The following TBC1D8B variants were observed in gnomAD, a reference collection of about 807,000 sequenced individuals.
TBC1D8B encodes RP11-321G1.1.
In TBC1D8B, 75 loss-of-function variants were observed where a neutral mutation model predicts 82.9. The ratio of observed to expected loss-of-function variants is 0.90; its 90% CI spans 0.75 to 1.10. The LOEUF (loss-of-function observed/expected upper bound fraction) is 1.10, where lower values mean the gene tolerates loss of function less well. TBC1D8B is among the 50% of genes least tolerant of loss of function. The pLI, the probability that TBC1D8B is intolerant of heterozygous loss-of-function variation, is 0.00. For missense variants in TBC1D8B, 794 were observed against 796.9 expected (o/e 1.00, Z 0.04); for synonymous variants, 276 against 276.8 (o/e 1.00, Z 0.03).
At chrX:106,829,481 G>T (rs1234414677) in intron 7 of TBC1D8B, 1 of 110,774 alleles carries the variant, frequency 9.0e-6, no homozygotes, top group Non-Finnish European at 1.9e-5. Flanking sequence ...AGCCTGCATC[G>T]CCAAGTCAAT....
intron 2 of TBC1D8B, among the ~76,000 whole-genome samples, 176 bp downstream of exon 2, chrX:106,818,949 T>G (rs371586276): frequency 5.5e-5 from 6 of 109,524 alleles, no homozygotes; most frequent in East Asian, 5.7e-4. Context: ...TATTAAGTTT[T>G]TTTTTTTTTT....
At chrX:106,817,060 C>T (rs1931561034) in intron 1 of TBC1D8B, among the ~76,000 whole-genome samples, 1 of 111,532 alleles carries the variant, frequency 9.0e-6, no homozygotes, top group African/African-American at 3.2e-5. Context: ...TCTTAAAAAT[C>T]TGTATTCTAA....
chrX:106,826,166 A>G lies in TBC1D8B; in HGVS notation c.964A>G (p.Ile322Val). ...SHFNTHGKMC[I>V]SENYICFASQ... The stretch of plus-strand genomic sequence containing the variant: ...CTTCAATACTCATGGGAAAATGTGC[A>G]TCTCAGAAAATTATATCTGCTTTGC... Residue 322 changes from isoleucine (I) to valine (V), a missense_variant, in exon 6 of 21, where the codon ATC becomes GTC. Coordinates refer to ENST00000357242, the MANE Select transcript of TBC1D8B (RefSeq NM_017752.3). 8.3e-7 allele frequency: 1 copy of G among 1,210,896 alleles called. No individual in the cohort carries two copies.
chrX:106,834,480 C>G (rs1359815618), intron 7 of TBC1D8B, among the ~76,000 whole-genome samples: 1 of 110,745 alleles, frequency 9.0e-6, no homozygotes, highest in Non-Finnish European at 1.9e-5. Flanking sequence ...TGGCCCCTCC[C>G]AAATCTCATG....
At chrX:106,851,178 T>A (rs1437877583) in intron 12 of TBC1D8B, among the ~76,000 whole-genome samples, 1 of 112,030 alleles carries the variant, frequency 8.9e-6, no homozygotes, top group African/African-American at 3.2e-5. Context: ...TCACCTGAGG[T>A]CAGGAGTTCA....
rs1931617531 is a variant in TBC1D8B at position 106,818,828 on chromosome X, A to G, written c.241+55A>G. The G allele has an allele frequency of 2.9e-5, 27 of 934,146 alleles. No individual in the cohort carries two copies. The South Asian group carries it at 5.7e-4, about 20-fold the overall frequency. 77.0% of individuals were successfully genotyped at this position (934,146 alleles called of 1,213,427 possible). A position where few individuals can be genotyped will look rare whatever the true frequency, so the allele number is the denominator to read the frequency against. On this transcript the variant is annotated intron_variant, in intron 2 of 20. Transcript: ENST00000357242. ...ATTAAATAAGGGTACTACAAAGCTG[A>G]GTATTCATATTTATTTATAGTCTGT...
chrX:106,855,876 T>A (rs1165401984), intron 14 of TBC1D8B, among the ~76,000 whole-genome samples: 6 of 110,965 alleles, frequency 5.4e-5, no homozygotes, highest in Non-Finnish European at 9.4e-5. Flanking sequence ...ATATTTAAAA[T>A]CTTGAATTTG....
chrX:106,805,109 C>T (rs1245266054), intron 1 of TBC1D8B, among the ~76,000 whole-genome samples: 3 of 66,896 alleles, frequency 4.5e-5, no homozygotes, highest in African/African-American at 6.3e-5. Context: ...GAGACAGGAT[C>T]TCTCACTCTG....
At chrX:106,849,586 G>A (rs1318326832) in intron 11 of TBC1D8B, 1 of 896,234 alleles carries the variant, frequency 1.1e-6, no homozygotes, top group African/African-American at 2.1e-5. Context: ...TGACTCTCAT[G>A]TCACTGATTC....
intron 1 of TBC1D8B, among the ~76,000 whole-genome samples, chrX:106,807,677 G>A (rs1209817071): frequency 9.0e-6 from 1 of 110,919 alleles, no homozygotes; most frequent in East Asian, 2.8e-4. Context: ...TTCAGAGAAC[G>A]AAATGTTCCA....
chrX:106,829,031 T>C (rs1343019918), intron 7 of TBC1D8B: 2 of 107,599 alleles, frequency 1.9e-5, no homozygotes, highest in African/African-American at 7.3e-5. Context: ...CATGATTGTA[T>C]ATCTAGAAAA....
intron 8 of TBC1D8B, among the ~76,000 whole-genome samples, chrX:106,839,760 G>A (rs1241001331): frequency 8.9e-6 from 1 of 111,992 alleles, no homozygotes; most frequent in Non-Finnish European, 1.9e-5. Context: ...GTGATTTGGG[G>A]AGAATGATGG....
At chrX:106,818,917 T>C in intron 2 of TBC1D8B, 144 bp downstream of exon 2, 1 of 438,117 alleles carries the variant, frequency 2.3e-6, no homozygotes, top group Non-Finnish European at 3.7e-6. Flanking sequence ...TAGCAAGACC[T>C]CTATTTTTAA....
At chrX:106,847,094 T>G (rs1932472563) in intron 10 of TBC1D8B, among the ~76,000 whole-genome samples, 1 of 111,961 alleles carries the variant, frequency 8.9e-6, no homozygotes, top group Non-Finnish European at 1.9e-5. Context: ...ACAATTTCAT[T>G]TCTAGGTATG....
At chrX:106,826,798 T>A (rs1320519979) in intron 6 of TBC1D8B, among the ~76,000 whole-genome samples, 2 of 111,247 alleles carry the variant, frequency 1.8e-5, no homozygotes, top group East Asian at 5.7e-4. Context: ...AATTTTCACT[T>A]TCAGTAAGAG....
At chrX:106,818,449 T>G (rs752589168) in intron 1 of TBC1D8B, 1 of 305,933 alleles carries the variant, frequency 3.3e-6, no homozygotes, top group African/African-American at 2.7e-5. Flanking sequence ...CTTAACTCTT[T>G]TATTGAAAGA....
At chrX:106,824,553 T>A (rs1057462043) in intron 5 of TBC1D8B, among the ~76,000 whole-genome samples, 1 of 111,646 alleles carries the variant, frequency 9.0e-6, no homozygotes, top group African/African-American at 3.2e-5. Flanking sequence ...TTAAGAATCC[T>A]GTTTGTATTA....
chrX:106,803,093 C>A, intron 1 of TBC1D8B, 110 bp downstream of exon 1: 1 of 932,839 alleles, frequency 1.1e-6, no homozygotes, highest in Non-Finnish European at 1.4e-6. Context: ...AAATCGTGGG[C>A]GGAGGGACTG....
chrX:106,811,387 G>A (rs1235547774), intron 1 of TBC1D8B, among the ~76,000 whole-genome samples: 2 of 111,345 alleles, frequency 1.8e-5, no homozygotes, highest in South Asian at 3.9e-4. Context: ...TTAGCAGGAC[G>A]TGGTGGTATG....
Sources: gnomAD v4.1 joint callset for allele counts (sites outside exome capture counted in the v4.1 genomes callset) on GRCh38, gnomAD v4.1.1 for gene constraint, MANE v1.5 for transcripts, NCBI Gene and HGNC (gene_info 2026-07-23, HGNC 2026-07-21) for gene names.